The following DYSF variants were observed in gnomAD, a reference collection of about 807,000 sequenced individuals.
The protein encoded by DYSF is dystrophy-associated fer-1-like 1.
A neutral mutation model predicts 274.9 loss-of-function variants in DYSF; 212 were observed. That is an observed-to-expected ratio of 0.77 (90% CI 0.69 to 0.86). The LOEUF is 0.86. Among genes scored for constraint, DYSF ranks in the 40% least tolerant of loss-of-function variants. The pLI, the probability that DYSF is intolerant of heterozygous loss-of-function variation, is 0.00. For missense variants in DYSF, 2,666 were observed against 2,783.2 expected (o/e 0.96, Z 0.95); for synonymous variants, 1,091 against 1,078.7 (o/e 1.01, Z -0.22).
intron 4 of DYSF, among the ~76,000 whole-genome samples, chr2:71,509,308 G>A (rs750290634): frequency 3.3e-5 from 5 of 152,114 alleles, no homozygotes; most frequent in Admixed American, 6.5e-5. Flanking sequence ...AACTATAAGC[G>A]TGGGCCACCA....
chr2:71,591,766 G>T (rs2093272370), intron 32 of DYSF, among the ~76,000 whole-genome samples: 1 of 152,220 alleles, frequency 6.6e-6, no homozygotes, highest in South Asian at 2.1e-4. Context: ...TTCCTTGCTG[G>T]TCCACTCTCC....
At chr2:71,656,774 C>T (rs773894190) in intron 43 of DYSF, among the ~76,000 whole-genome samples, 1 of 152,120 alleles carries the variant, frequency 6.6e-6, no homozygotes, top group South Asian at 2.1e-4. Context: ...GAGACTTATT[C>T]ACCACCACGA....
At chr2:71,663,820 C>G (rs1479930649) in intron 45 of DYSF, among the ~76,000 whole-genome samples, 3 of 152,190 alleles carry the variant, frequency 2.0e-5, no homozygotes, top group Non-Finnish European at 2.9e-5. Flanking sequence ...GCTCTGGCCC[C>G]TTGCTCTGGA....
intron 17 of DYSF, among the ~76,000 whole-genome samples, chr2:71,546,331 A>G (rs2090471401): frequency 6.6e-6 from 1 of 152,244 alleles, no homozygotes; most frequent in Non-Finnish European, 1.5e-5. Flanking sequence ...ACCAAATGAA[A>G]CTGAACTGTA....
chr2:71,482,356 G>C (rs2152683338), intron 3 of DYSF, among the ~76,000 whole-genome samples: 1 of 152,356 alleles, frequency 6.6e-6, no homozygotes, highest in South Asian at 2.1e-4. Flanking sequence ...GCAGGAGGCA[G>C]GCAGGCAGGC....
intron 30 of DYSF, among the ~76,000 whole-genome samples, chr2:71,582,106 CAAAAAAAAAAAAAAAAAAA>C (rs1159294834): frequency 2.8e-5 from 1 of 35,118 alleles, no homozygotes; most frequent in African/African-American, 9.5e-5. Flanking sequence ...GACTCCGTCT[CAAAAAAAAAAAAAAAAAAA>C]AAAAAAAAGG....
At chr2:71,481,398 G>C (rs1383163817) in intron 2 of DYSF, among the ~76,000 whole-genome samples, 2 of 152,254 alleles carry the variant, frequency 1.3e-5, no homozygotes, top group Non-Finnish European at 2.9e-5. Flanking sequence ...GCCTTGCATG[G>C]ATGGGGTCGG....
At chr2:71,481,072 G>A in intron 2 of DYSF, 134 bp downstream of exon 2, 1 of 886,196 alleles carries the variant, frequency 1.1e-6, no homozygotes, top group South Asian at 1.4e-5. Context: ...GGTCCAGCCT[G>A]CCAACGAAAT....
At chr2:71,664,222 T>C in intron 45 of DYSF, 46 bp from the exon 46 acceptor site, 1 of 1,612,828 alleles carries the variant, frequency 6.2e-7, no homozygotes, top group Non-Finnish European at 8.5e-7. Flanking sequence ...GCCTGTCCCT[T>C]GGGTGCCCCG....
intron 1 of DYSF, among the ~76,000 whole-genome samples, chr2:71,471,045 C>CAGGTG (rs2082000415): frequency 6.6e-6 from 1 of 152,106 alleles, no homozygotes; most frequent in South Asian, 2.1e-4. Context: ...ATCCACCCAC[C>CAGGTG]TTGGCCTCCC....
intron 51 of DYSF, 132 bp downstream of exon 51, chr2:71,669,878 C>A (rs933855085): frequency 2.5e-6 from 3 of 1,195,682 alleles, no homozygotes; most frequent in South Asian, 1.3e-5. Context: ...CTACCACTGC[C>A]ATCTCCACAT....
chr2:71,587,558 C>G (rs1409033384), intron 30 of DYSF, among the ~76,000 whole-genome samples: 2 of 152,204 alleles, frequency 1.3e-5, no homozygotes, highest in Non-Finnish European at 2.9e-5. Flanking sequence ...ATTTCTTGAG[C>G]ATTTACTGTG....
At chr2:71,622,141 T>TTTG (rs1337698463) in intron 41 of DYSF, among the ~76,000 whole-genome samples, 1 of 149,086 alleles carries the variant, frequency 6.7e-6, no homozygotes, top group Non-Finnish European at 1.5e-5. Context: ...TTTTTTTTTT[T>TTTG]TTTTTGTTAC....
At chr2:71,516,400 G>A (rs1196367362) in intron 9 of DYSF, among the ~76,000 whole-genome samples, 158 bp downstream of exon 9, 5 of 152,222 alleles carry the variant, frequency 3.3e-5, no homozygotes, top group African/African-American at 9.6e-5. Context: ...GAGTATGTGC[G>A]TGAGAGGGAG....
chr2:71,456,557 ACT>A (rs2081073325), intron 1 of DYSF, among the ~76,000 whole-genome samples: 1 of 151,310 alleles, frequency 6.6e-6, no homozygotes, highest in African/African-American at 2.4e-5. Context: ...CTCTTCCCAG[ACT>A]CTATCTGTTG....
intron 24 of DYSF, among the ~76,000 whole-genome samples, chr2:71,566,650 A>T (rs1017198637): frequency 2.0e-5 from 3 of 151,262 alleles, no homozygotes; most frequent in Non-Finnish European, 2.9e-5. Context: ...TGGATGGGGG[A>T]AGTGGGGGTC....
intron 41 of DYSF, among the ~76,000 whole-genome samples, chr2:71,627,548 T>C (rs547452486): frequency 6.6e-6 from 1 of 152,216 alleles, no homozygotes; most frequent in South Asian, 2.1e-4. Flanking sequence ...GAAAAGAATG[T>C]GTATTGTCCA....
intron 32 of DYSF, among the ~76,000 whole-genome samples, chr2:71,594,000 G>A (rs1321699972): frequency 6.6e-6 from 1 of 152,188 alleles, no homozygotes; most frequent in Non-Finnish European, 1.5e-5. Flanking sequence ...AGAAGGTCCT[G>A]TGCCCTCTTT....
chr2:71,645,815 G>A lies in DYSF; in HGVS notation c.4626+1752G>A, dbSNP rs925747839. Among the ~76,000 whole-genome samples, 6 of 152,108 alleles carry A rather than the reference G, an allele frequency of 3.9e-5. 1 individual carries two copies. The highest frequency in any genetic ancestry group is 8.8e-5 in the Non-Finnish European group (6 of 68,026). Reference sequence around the variant, plus strand: ...AACACTACTTCTGGATTATAAATGGGGGAGACTCTGTACCCCGCAATTACC... The same window carrying A: ...AACACTACTTCTGGATTATAAATGGAGGAGACTCTGTACCCCGCAATTACC... On this transcript the variant is annotated intron_variant, in intron 42 of 55. Coordinates refer to ENST00000410020, the MANE Select transcript of DYSF (RefSeq NM_001130987.2).
Sources: gnomAD v4.1 joint callset for allele counts (sites outside exome capture counted in the v4.1 genomes callset) on GRCh38, gnomAD v4.1.1 for gene constraint, MANE v1.5 for transcripts, NCBI Gene and HGNC (gene_info 2026-07-23, HGNC 2026-07-21) for gene names.